Variants in MTCL2 observed in about 807,000 individuals in gnomAD.
The protein encoded by MTCL2 is microtubule cross-linking factor 2.
the MTCL2 span, among the ~76,000 whole-genome samples, chr20:36,788,092 T>G: frequency 6.6e-6 from 1 of 150,950 alleles, no homozygotes; most frequent in African/African-American, 2.4e-5. Context: ...TCCCAGCTAC[T>G]TGGGAGACCG....
At chr20:36,836,697 G>A in the MTCL2 span, among the ~76,000 whole-genome samples, 1 of 152,034 alleles carries the variant, frequency 6.6e-6, no homozygotes, top group South Asian at 2.1e-4. Flanking sequence ...ATGTTGCCCA[G>A]CCTGATTTCC....
chr20:36,793,347 A>G, the MTCL2 span: 2 of 1,551,736 alleles, frequency 1.3e-6, no homozygotes, highest in Non-Finnish European at 1.7e-6. The surrounding 1 kb of genome is among the most constrained non-coding windows in gnomAD (Gnocchi z 6.8). Flanking sequence ...CTGCTGCCCA[A>G]CTTGGCTGCC....
the MTCL2 span, among the ~76,000 whole-genome samples, chr20:36,820,139 G>A: frequency 6.6e-6 from 1 of 152,176 alleles, no homozygotes; most frequent in Non-Finnish European, 1.5e-5. Context: ...GTTGAACTCT[G>A]GGGCCCTTGC....
At chr20:36,821,353 C>T in the MTCL2 span, among the ~76,000 whole-genome samples, 2 of 151,916 alleles carry the variant, frequency 1.3e-5, no homozygotes, top group Admixed American at 6.6e-5. Context: ...GAAACCCCGT[C>T]TCTACTAAAA....
the MTCL2 span, chr20:36,797,584 G>A: frequency 1.3e-6 from 2 of 1,555,096 alleles, no homozygotes; most frequent in South Asian, 2.4e-5. Context: ...CTGGGCAAGG[G>A]CAGAGAGGGT....
At chr20:36,804,244 G>C in the MTCL2 span, among the ~76,000 whole-genome samples, 1 of 152,176 alleles carries the variant, frequency 6.6e-6, no homozygotes, top group Admixed American at 6.5e-5. Flanking sequence ...TGAGTGGGAA[G>C]AAGCCCACCC....
chr20:36,810,395 T>G, the MTCL2 span, among the ~76,000 whole-genome samples: 1 of 152,198 alleles, frequency 6.6e-6, no homozygotes, highest in Non-Finnish European at 1.5e-5. Context: ...TTCACAAAGA[T>G]GTTCATTGTT....
chr20:36,804,994 G>A, the MTCL2 span: 1 of 1,443,810 alleles, frequency 6.9e-7, no homozygotes, highest in Non-Finnish European at 9.4e-7. Context: ...GTCCAGCTTG[G>A]GACTTCACGA....
the MTCL2 span, chr20:36,796,913 C>T: frequency 2.5e-5 from 41 of 1,613,972 alleles, no homozygotes; most frequent in South Asian, 8.8e-5. Flanking sequence ...AGCTCAACTT[C>T]GGAAACAGCC....
chr20:36,790,293 T>C, the MTCL2 span, among the ~76,000 whole-genome samples: 1 of 151,430 alleles, frequency 6.6e-6, no homozygotes, highest in Non-Finnish European at 1.5e-5. Flanking sequence ...GCCCGGCCAA[T>C]TTTTGTATTT....
chr20:36,838,974 G>GAA, the MTCL2 span, among the ~76,000 whole-genome samples: 60 of 144,436 alleles, frequency 4.2e-4, no homozygotes, highest in Middle Eastern at 6.9e-3. Flanking sequence ...TGTCTCAAAG[G>GAA]AAAAAAAAAA....
At chr20:36,837,385 G>A in the MTCL2 span, among the ~76,000 whole-genome samples, 1 of 151,746 alleles carries the variant, frequency 6.6e-6, no homozygotes, top group African/African-American at 2.4e-5. Context: ...AGGCCAAGCT[G>A]GAGGCTTGGG....
chr20:36,843,344 T>A, the MTCL2 span, among the ~76,000 whole-genome samples: 1 of 152,132 alleles, frequency 6.6e-6, no homozygotes, highest in Non-Finnish European at 1.5e-5. Context: ...AGCCCTGCCC[T>A]CCAGGCCAGT....
At chr20:36,811,988 C>G in the MTCL2 span, among the ~76,000 whole-genome samples, 1 of 152,184 alleles carries the variant, frequency 6.6e-6, no homozygotes, top group Non-Finnish European at 1.5e-5. Flanking sequence ...CTCAGAACTA[C>G]CCAGAATTCC....
At chr20:36,785,408 T>C in the MTCL2 span, 8 of 984,382 alleles carry the variant, frequency 8.1e-6, no homozygotes, top group Non-Finnish European at 9.7e-6. Context: ...ATATTTATAG[T>C]AGGAAAAATT....
At chr20:36,811,319 G>C in the MTCL2 span, among the ~76,000 whole-genome samples, 3 of 152,102 alleles carry the variant, frequency 2.0e-5, no homozygotes, top group Admixed American at 2.0e-4. Context: ...TTTTCTACAG[G>C]TAAGCCTATA....
At chr20:36,825,533 C>A in the MTCL2 span, among the ~76,000 whole-genome samples, 2 of 152,218 alleles carry the variant, frequency 1.3e-5, no homozygotes, top group Non-Finnish European at 2.9e-5. Context: ...GGTAGCTGGG[C>A]AACAGTGCCA....
the MTCL2 span, chr20:36,784,378 A>G: frequency 1.0e-6 from 1 of 985,898 alleles, no homozygotes; most frequent in South Asian, 4.7e-5. Flanking sequence ...AGGGAGATGC[A>G]GGACTTGGGG....
chr20:36,832,250 G>GCTGGATAGCCT, the MTCL2 span, among the ~76,000 whole-genome samples: 1 of 152,206 alleles, frequency 6.6e-6, no homozygotes, highest in African/African-American at 2.4e-5. Context: ...AGGAAGGGCT[G>GCTGGATAGCCT]CACCCCTGGC....
Sources: allele counts gnomAD v4.1 joint callset (sites outside exome capture counted in the v4.1 genomes callset), GRCh38; gene constraint gnomAD v4.1.1; non-coding constraint Gnocchi (gnomAD v3.1); transcripts MANE v1.5; gene names NCBI Gene and HGNC (gene_info 2026-07-23, HGNC 2026-07-21).